RBFOX1: variants seen among roughly 807,000 people sequenced by gnomAD.
RBFOX1 encodes RNA binding fox-1 homolog 1.
RBFOX1 carries 8 observed loss-of-function variants against 57.7 expected under a neutral mutation model. That is an observed-to-expected ratio of 0.14 (90% CI 0.08 to 0.25). The LOEUF (loss-of-function observed/expected upper bound fraction) is 0.25, where lower values mean the gene tolerates loss of function less well. Ranked by LOEUF, RBFOX1 falls within the 10% of genes least tolerant of loss-of-function variation. RBFOX1 has a pLI of 1.00. For missense variants in RBFOX1, 611 were observed against 548.5 expected, an observed-to-expected ratio of 1.11 and a Z score of -1.14; for synonymous variants, 326 against 222.4, an observed-to-expected ratio of 1.47 and a Z score of -4.15.
intron 2 of RBFOX1, among the ~76,000 whole-genome samples, chr16:5,530,931 T>TA (rs2044443319): frequency 4.5e-5 from 4 of 88,112 alleles, no homozygotes; most frequent in Admixed American, 1.2e-4. Context: ...CTACTAAAAA[T>TA]ATAAAAAAAA....
chr16:7,487,793 C>T (rs968839281), intron 4 of RBFOX1, among the ~76,000 whole-genome samples: 6 of 152,138 alleles, frequency 3.9e-5, no homozygotes, highest in African/African-American at 1.4e-4. Flanking sequence ...CTAAGAGCCT[C>T]TTCAGTAAGA....
chr16:6,366,592 G>A (rs534118768), intron 2 of RBFOX1, among the ~76,000 whole-genome samples: 1 of 152,298 alleles, frequency 6.6e-6, no homozygotes, highest in Admixed American at 6.5e-5. Context: ...TGATACTTAT[G>A]TCATAGCATG....
At chr16:7,341,267 C>T (rs560539152) in intron 4 of RBFOX1, among the ~76,000 whole-genome samples, 1 of 152,188 alleles carries the variant, frequency 6.6e-6, no homozygotes, top group African/African-American at 2.4e-5. Context: ...TTCCTCTGAG[C>T]AACCGAGACC....
chr16:7,372,849 C>T (rs531710939), intron 4 of RBFOX1, among the ~76,000 whole-genome samples: 7 of 151,486 alleles, frequency 4.6e-5, no homozygotes, highest in South Asian at 4.2e-4. Context: ...CTCAAATATA[C>T]GAAGAATATC....
chr16:5,377,803 A>G (rs2066025456), intron 1 of RBFOX1, among the ~76,000 whole-genome samples: 1 of 151,512 alleles, frequency 6.6e-6, no homozygotes, highest in Non-Finnish European at 1.5e-5. Context: ...AGGAAAATAA[A>G]TATGCAAAAA....
chr16:7,527,050 G>A (rs2078869385), intron 5 of RBFOX1, among the ~76,000 whole-genome samples: 1 of 152,336 alleles, frequency 6.6e-6, no homozygotes, highest in Non-Finnish European at 1.5e-5. Context: ...CAGACTTCGA[G>A]TGTGCTCTTG....
At chr16:7,217,293 T>TTC (rs374043762) in intron 4 of RBFOX1, among the ~76,000 whole-genome samples, 215 of 2,330 alleles carry the variant, frequency 0.092, 8 homozygotes, top group East Asian at 0.25. Context: ...CTTATTCTTC[T>TTC]TTTTTTTTTT....
At chr16:5,662,816 T>G (rs1486697018) in intron 3 of RBFOX1, among the ~76,000 whole-genome samples, 3 of 152,240 alleles carry the variant, frequency 2.0e-5, no homozygotes, top group Non-Finnish European at 1.5e-5. Flanking sequence ...AGTTGTGTAG[T>G]GGCCCCTTTG....
At chr16:5,368,609 AAACTCTTGCCGT>A (rs1401523542) in intron 1 of RBFOX1, among the ~76,000 whole-genome samples, 5 of 152,166 alleles carry the variant, frequency 3.3e-5, no homozygotes, top group African/African-American at 1.2e-4. Context: ...ACGGTTTCTT[AAACTCTTGCCGT>A]TATGCACATT....
At chr16:6,980,724 G>C (rs538747182) in intron 3 of RBFOX1, among the ~76,000 whole-genome samples, 1 of 152,236 alleles carries the variant, frequency 6.6e-6, no homozygotes, top group South Asian at 2.1e-4. Context: ...CATCAAAGGA[G>C]GGCAGATTAT....
intron 3 of RBFOX1, among the ~76,000 whole-genome samples, chr16:6,904,057 C>T (rs1252009503): frequency 6.6e-6 from 1 of 152,150 alleles, no homozygotes; most frequent in African/African-American, 2.4e-5. Context: ...ATAAGCTACC[C>T]CCATGGGGGC....
chr16:5,980,753 C>T (rs756855317), intron 4 of RBFOX1, among the ~76,000 whole-genome samples: 17 of 152,020 alleles, frequency 1.1e-4, no homozygotes, highest in Non-Finnish European at 1.6e-4. Context: ...GGTGTGTGTG[C>T]GTCTGTGAAT....
intron 3 of RBFOX1, among the ~76,000 whole-genome samples, chr16:6,668,288 G>A (rs2098744834): frequency 6.6e-6 from 1 of 152,182 alleles, no homozygotes; most frequent in Non-Finnish European, 1.5e-5. Flanking sequence ...CAGAAAGAGT[G>A]CATGATTGAT....
chr16:5,251,384 C>T (rs1316051206), intron 1 of RBFOX1, among the ~76,000 whole-genome samples: 6 of 152,202 alleles, frequency 3.9e-5, no homozygotes, highest in Non-Finnish European at 7.3e-5. Flanking sequence ...GCAGTCAGCA[C>T]GTGTGGGGCA....
At chr16:7,665,259 C>G (rs2068898115) in intron 13 of RBFOX1, among the ~76,000 whole-genome samples, 1 of 152,128 alleles carries the variant, frequency 6.6e-6, no homozygotes, top group Non-Finnish European at 1.5e-5. Context: ...CCACTTCACC[C>G]ACAAAGAAAT....
intron 4 of RBFOX1, among the ~76,000 whole-genome samples, chr16:7,259,883 G>C (rs2094848970): frequency 6.6e-6 from 1 of 152,086 alleles, no homozygotes; most frequent in Admixed American, 6.6e-5. Flanking sequence ...TTAATATATT[G>C]TAGGCCCTTG....
chr16:5,663,239 C>T (rs1355112584), intron 3 of RBFOX1, among the ~76,000 whole-genome samples: 2 of 152,130 alleles, frequency 1.3e-5, no homozygotes, highest in South Asian at 2.1e-4. Flanking sequence ...AAGACAGAAT[C>T]TTGTTCTGTC....
rs562924597 is a variant in RBFOX1, at chr16:5,658,701, C to G, written c.318+59740C>G. Among the ~76,000 whole-genome samples, 35 of 150,532 alleles carry G rather than the reference C, an allele frequency of 2.3e-4. 1 individual carries two copies. The highest frequency in any genetic ancestry group is 8.0e-4 in the African/African-American group (33 of 41,034). ...GCCATTAATTCATGCCTTTTCATGG[C>G]TGAGTAGTATTCCATCATACATACA... is the stretch of plus-strand genomic sequence containing the variant. On this transcript the variant is annotated intron_variant, in intron 3 of 19. Coordinates refer to the RBFOX1 transcript ENST00000641259.
chr16:5,654,718 T>C (rs2049367968), intron 3 of RBFOX1, among the ~76,000 whole-genome samples: 1 of 152,178 alleles, frequency 6.6e-6, no homozygotes, highest in South Asian at 2.1e-4. Flanking sequence ...CTGCCTGGTG[T>C]GATGTGCTCC....
Sources: gnomAD v4.1 joint callset for allele counts (sites outside exome capture counted in the v4.1 genomes callset) on GRCh38, gnomAD v4.1.1 for gene constraint, MANE v1.5 for transcripts, NCBI Gene and HGNC (gene_info 2026-07-23, HGNC 2026-07-21) for gene names.